Variants in LAMA2 observed in about 807,000 individuals in gnomAD.
LAMA2 encodes laminin subunit alpha-2.
Under a neutral mutation model 364.8 loss-of-function variants are expected in LAMA2, and 269 were observed. The ratio of observed to expected loss-of-function variants is 0.74; its 90% CI spans 0.67 to 0.82. The LOEUF is 0.82. Ranked by LOEUF, LAMA2 falls within the 40% of genes least tolerant of loss-of-function variation. The pLI, the probability that LAMA2 is intolerant of heterozygous loss-of-function variation, is 0.00. For missense variants in LAMA2, 3,807 were observed against 3,873.2 expected (o/e 0.98, Z 0.45); for synonymous variants, 1,379 against 1,370.6 (o/e 1.01, Z -0.14).
intron 1 of LAMA2, among the ~76,000 whole-genome samples, chr6:129,038,133 A>G (rs1042606697): frequency 1.3e-5 from 2 of 152,192 alleles, no homozygotes; most frequent in Non-Finnish European, 2.9e-5. Context: ...TTCACTGTGA[A>G]ACAGAATTTC....
intron 1 of LAMA2, among the ~76,000 whole-genome samples, chr6:128,989,122 A>T (rs1490740083): frequency 1.3e-5 from 2 of 152,170 alleles, no homozygotes; most frequent in Non-Finnish European, 1.5e-5. Flanking sequence ...ACAAATATTG[A>T]TACTTTAATT....
At chr6:129,161,234 G>GC (rs1779422273) in intron 8 of LAMA2, among the ~76,000 whole-genome samples, 3 of 151,650 alleles carry the variant, frequency 2.0e-5, no homozygotes, top group Non-Finnish European at 4.4e-5. Flanking sequence ...TACTCTGTAT[G>GC]GTATGTTTTT....
intron 32 of LAMA2, among the ~76,000 whole-genome samples, chr6:129,363,662 T>G (rs747436845): frequency 2.0e-5 from 3 of 152,194 alleles, no homozygotes; most frequent in African/African-American, 4.8e-5. Flanking sequence ...GAAAAGCACA[T>G]TCTCAGTCAG....
chr6:129,512,509 G>GCAAA lies in LAMA2; in HGVS notation c.8988+19_8988+22dup, dbSNP rs753023842. The GCAAA allele has an allele frequency of 3.8e-5, 62 of 1,612,920 alleles. No homozygotes were observed. In the African/African-American group the frequency reaches 5.6e-4, roughly 15 times the overall value. ...TGATGAAAAGGTGAGTGTCAGCAATGCAAACATTTCTGATTTCTTCATGAT... is the reference window on the plus strand; with the variant it reads ...TGATGAAAAGGTGAGTGTCAGCAATGCAAACAAACATTTCTGATTTCTTCATGAT... On this transcript the variant is annotated intron_variant, in intron 63 of 64. Transcript: ENST00000421865.
chr6:129,359,602 G>A (rs947775453), intron 32 of LAMA2, among the ~76,000 whole-genome samples: 11 of 129,828 alleles, frequency 8.5e-5, no homozygotes, highest in East Asian at 2.1e-4. Flanking sequence ...CCAGGGAACC[G>A]TCAATGGCAT....
At chr6:129,332,875 A>T (rs2501466) in intron 29 of LAMA2, among the ~76,000 whole-genome samples, 89,608 of 140,062 alleles carry the variant, frequency 0.64, 30,727 homozygotes, top group Non-Finnish European at 0.77. Context: ...GTTATTGTTA[A>T]GTTTACCATT....
intron 12 of LAMA2, among the ~76,000 whole-genome samples, chr6:129,242,741 G>A (rs772364128): frequency 6.6e-6 from 1 of 152,134 alleles, no homozygotes; most frequent in Admixed American, 6.6e-5. Context: ...CTGTTTTTGG[G>A]TCTGGGCCTA....
chr6:128,963,785 C>G (rs938641207), intron 1 of LAMA2, among the ~76,000 whole-genome samples: 16 of 152,052 alleles, frequency 1.1e-4, no homozygotes, highest in African/African-American at 3.9e-4. Context: ...AACCAGGAAG[C>G]CATGCCTTTT....
At chr6:129,043,724 C>A (rs1484378078) in intron 1 of LAMA2, among the ~76,000 whole-genome samples, 6 of 151,966 alleles carry the variant, frequency 3.9e-5, no homozygotes, top group African/African-American at 1.4e-4. Context: ...AATAATAGCA[C>A]ATTGTAGAAA....
chr6:129,088,216 G>A (rs1774518546), intron 3 of LAMA2, among the ~76,000 whole-genome samples: 1 of 151,340 alleles, frequency 6.6e-6, no homozygotes, highest in Admixed American at 6.6e-5. Context: ...TTGGGAGTAA[G>A]GTCATAGATC....
intron 3 of LAMA2, among the ~76,000 whole-genome samples, chr6:129,081,874 C>T (rs1476548633): frequency 1.3e-5 from 2 of 152,054 alleles, no homozygotes; most frequent in Non-Finnish European, 2.9e-5. Flanking sequence ...TTTTTAAACA[C>T]AAGAAATCAC....
chr6:129,101,847 A>T (rs1181925815), intron 4 of LAMA2, among the ~76,000 whole-genome samples: 1 of 152,174 alleles, frequency 6.6e-6, no homozygotes, highest in Non-Finnish European at 1.5e-5. Flanking sequence ...TTACCTCTCT[A>T]AATATTGCTT....
intron 62 of LAMA2, among the ~76,000 whole-genome samples, chr6:129,509,755 AGTTCT>A (rs1394329946): frequency 6.6e-6 from 1 of 151,960 alleles, no homozygotes; most frequent in Non-Finnish European, 1.5e-5. Context: ...GGCTTACTAT[AGTTCT>A]GTGGTATAAT....
At chr6:129,429,754 G>C (rs1041954176) in intron 41 of LAMA2, among the ~76,000 whole-genome samples, 2 of 152,306 alleles carry the variant, frequency 1.3e-5, no homozygotes, top group African/African-American at 4.8e-5. Flanking sequence ...GGGAGGAAGG[G>C]AGCGAGGTGA....
At chr6:129,036,012 T>C (rs9492205) in intron 1 of LAMA2, among the ~76,000 whole-genome samples, 3,746 of 152,246 alleles carry the variant, frequency 0.025, 142 homozygotes, top group African/African-American at 0.086. Flanking sequence ...TTTTTCTAAT[T>C]CTGTGAAAAA....
At chr6:128,993,329 A>AT in intron 1 of LAMA2, among the ~76,000 whole-genome samples, 1 of 152,310 alleles carries the variant, frequency 6.6e-6, no homozygotes, top group South Asian at 2.1e-4. Context: ...CGTCTCACAA[A>AT]TTTCAGCAGC....
chr6:129,316,055 T>A lies in LAMA2; in HGVS notation c.3942T>A (p.Tyr1314Ter). The change falls in exon 27 of 65, where the codon TAT (tyrosine) becomes TAA (stop). Residue 1314 changes from tyrosine (Y) to a stop codon, truncating the protein, a stop_gained. Transcript: ENST00000421865. LOFTEE classifies it high-confidence loss of function. ...GTTAACAGAAAGAATGGAAATATTATGGGGATGATCCTCGAGTCCATAGAA... is the reference window on the plus strand; with the variant it reads ...GTTAACAGAAAGAATGGAAATATTAAGGGGATGATCCTCGAGTCCATAGAA... ...IEMTEKEWKY[Y>*]GDDPRVHRTV... 1 of 1,614,028 alleles carries A rather than the reference T, an allele frequency of 6.2e-7. No individual in the cohort carries two copies. Among genetic ancestry groups the A allele is most frequent in the Non-Finnish European group, 8.5e-7 (1 of 1,179,908 alleles).
intron 1 of LAMA2, among the ~76,000 whole-genome samples, chr6:128,919,355 C>G (rs1778550587): frequency 6.6e-6 from 1 of 152,160 alleles, no homozygotes; most frequent in African/African-American, 2.4e-5. Flanking sequence ...CCTGATAATA[C>G]CACTATTCTC....
intron 12 of LAMA2, among the ~76,000 whole-genome samples, chr6:129,210,954 T>A (rs1783063740): frequency 6.6e-6 from 1 of 152,130 alleles, no homozygotes; most frequent in African/African-American, 2.4e-5. Context: ...TTTCTGGTTA[T>A]AGCACATGGC....
Sources: allele counts gnomAD v4.1 joint callset (sites outside exome capture counted in the v4.1 genomes callset), GRCh38; gene constraint gnomAD v4.1.1; transcripts MANE v1.5; gene names NCBI Gene and HGNC (gene_info 2026-07-23, HGNC 2026-07-21).